Variants in UPF3A observed in about 807,000 individuals in gnomAD.
UPF3A encodes the protein UPF3A regulator of nonsense mediated mRNA decay.
Under a neutral mutation model 53.5 loss-of-function variants are expected in UPF3A, and 42 were observed. The ratio of observed to expected loss-of-function variants is 0.78; its 90% CI spans 0.61 to 1.01. UPF3A has a LOEUF of 1.01. Among genes scored for constraint, UPF3A ranks in the 50% least tolerant of loss-of-function variants. The probability of loss-of-function intolerance (pLI) is 0.00; values close to 1 mark genes in which losing one functional copy is unlikely to be tolerated. For synonymous variants in UPF3A, 237 were observed against 225.3 expected (o/e 1.05, Z -0.47); for missense variants, 575 against 598.0 (o/e 0.96, Z 0.40).
chr13:114,302,133 T>C (rs189509504), intron 9 of UPF3A, 108 bp downstream of exon 9: 2 of 1,131,634 alleles, frequency 1.8e-6, no homozygotes, highest in African/African-American at 3.2e-5. Context: ...AACGCAGTGC[T>C]TTGAGCATTT....
chr13:114,299,441 G>A (rs2139344719), intron 8 of UPF3A, among the ~76,000 whole-genome samples: 1 of 152,162 alleles, frequency 6.6e-6, no homozygotes, highest in South Asian at 2.1e-4. Flanking sequence ...CCCTCTTTTA[G>A]GTCTGGCAGA....
intron 3 of UPF3A, chr13:114,283,705 T>C (rs1013171914): frequency 2.1e-6 from 2 of 965,874 alleles, no homozygotes; most frequent in African/African-American, 3.5e-5. Flanking sequence ...GAGACAGCAG[T>C]CTTCAACTCT....
chr13:114,284,893 T>C (rs1367683875), intron 3 of UPF3A, among the ~76,000 whole-genome samples: 1 of 152,144 alleles, frequency 6.6e-6, no homozygotes, highest in East Asian at 1.9e-4. Flanking sequence ...GCTCAAGCGA[T>C]TCCCCCCACA....
intron 3 of UPF3A, 145 bp downstream of exon 3, chr13:114,283,088 A>G (rs771998182): frequency 3.9e-5 from 24 of 614,352 alleles, no homozygotes; most frequent in Non-Finnish European, 5.4e-5. Context: ...AGCAGCCGCA[A>G]TCACGGCTCA....
intron 7 of UPF3A, among the ~76,000 whole-genome samples, chr13:114,297,837 CAACA>C (rs1457920722): frequency 1.3e-5 from 2 of 151,906 alleles, no homozygotes; most frequent in East Asian, 1.9e-4. Flanking sequence ...TCAAAAAAAA[CAACA>C]AACAAAAACT....
chr13:114,296,630 C>G (rs1386367877), intron 7 of UPF3A, among the ~76,000 whole-genome samples: 1 of 152,226 alleles, frequency 6.6e-6, no homozygotes. Flanking sequence ...TCGGGAACCC[C>G]TGAATTTATT....
chr13:114,293,663 A>G (rs2085535651), intron 7 of UPF3A, among the ~76,000 whole-genome samples: 2 of 152,172 alleles, frequency 1.3e-5, no homozygotes, highest in Non-Finnish European at 2.9e-5. Context: ...AACCTAAGGT[A>G]TCACTCATTA....
Position 114,304,784 on chromosome 13 carries a change from G to A in UPF3A, c.1303-5G>A. 2 of 1,613,388 alleles carry A rather than the reference G, an allele frequency of 1.2e-6. No individual in the cohort carries two copies. Among genetic ancestry groups the A allele is most frequent in the Non-Finnish European group, 1.7e-6 (2 of 1,179,582 alleles). On this transcript the variant is annotated splice_region_variant and splice_polypyrimidine_tract_variant and intron_variant, in intron 9 of 9. Coordinates refer to ENST00000375299, the MANE Select transcript of UPF3A (RefSeq NM_023011.4). Reference sequence around the variant, plus strand: ...GAAGAGTAACATGCCCTCTTATCCTGGCAGGACCGGCCAGCCTTGCAGCTG... The same window carrying A: ...GAAGAGTAACATGCCCTCTTATCCTAGCAGGACCGGCCAGCCTTGCAGCTG...
intron 9 of UPF3A, among the ~76,000 whole-genome samples, chr13:114,303,799 AAAAC>A (rs1296307042): frequency 7.2e-5 from 11 of 152,210 alleles, no homozygotes; most frequent in African/African-American, 1.7e-4. Flanking sequence ...AAAAAAAAGA[AAAAC>A]AAACAGAGCT....
chr13:114,282,013 C>T lies in UPF3A; in HGVS notation c.208-8C>T, dbSNP rs766383425. 3.9e-6 allele frequency: 6 copies of T among 1,548,154 alleles called. No homozygotes were observed. The South Asian group carries it at 4.7e-5, about 12-fold the overall frequency. On this transcript the variant is annotated splice_polypyrimidine_tract_variant and splice_region_variant and intron_variant, in intron 1 of 9. Coordinates refer to ENST00000375299, the MANE Select transcript of UPF3A (RefSeq NM_023011.4). ...GCCCCGGTGGGAACGGCCGCGCGCTCCCCGCAGGTGGTCATCCGCCGCCTG... is the reference window on the plus strand; with the variant it reads ...GCCCCGGTGGGAACGGCCGCGCGCTTCCCGCAGGTGGTCATCCGCCGCCTG...
intron 7 of UPF3A, among the ~76,000 whole-genome samples, chr13:114,292,049 A>G (rs888530232): frequency 2.0e-5 from 3 of 150,132 alleles, no homozygotes; most frequent in Admixed American, 1.3e-4. Context: ...CACACCCCAC[A>G]GGAGCCCCAC....
At chr13:114,299,637 G>C (rs764813581) in intron 8 of UPF3A, among the ~76,000 whole-genome samples, 74 of 152,356 alleles carry the variant, frequency 4.9e-4, no homozygotes, top group Non-Finnish European at 7.1e-4. Flanking sequence ...GAAAGGGACA[G>C]ACACAGCATT....
Position 114,301,721 on chromosome 13 carries a change from T to G in UPF3A, c.1008-10T>G. The G allele has an allele frequency of 6.2e-7, 1 of 1,600,248 alleles. No homozygotes were observed. The highest frequency in any genetic ancestry group is 1.3e-5 in the African/African-American group (1 of 74,660). On this transcript the variant is annotated splice_polypyrimidine_tract_variant and intron_variant, in intron 8 of 9. Transcript: ENST00000375299. ...TACTGCAGTTGCTGATCATTTGTGT[T>G]GAATCATAGGTCACACAGCGGCAGT...
chr13:114,285,407 G>C (rs759294929), intron 3 of UPF3A: 2 of 152,232 alleles, frequency 1.3e-5, no homozygotes, highest in Non-Finnish European at 2.9e-5. Context: ...TGGGTGGAGC[G>C]GTGACTTGGA....
At chr13:114,284,338 G>T (rs1006494924) in intron 3 of UPF3A, among the ~76,000 whole-genome samples, 1 of 151,810 alleles carries the variant, frequency 6.6e-6, no homozygotes. Context: ...TCCCAGCCGG[G>T]GCGACGGAGC....
rs1209085685 is a variant in UPF3A, at chr13:114,281,784, T to C, written c.145T>C (p.Ser49Pro). The stretch of plus-strand genomic sequence containing the variant: ...GGAGGCTGAGACGCCGCCAACTTCG[T>C]CCTCCGGTTGCGGGGGCGGTGCGGG... ...QQEAETPPTS[S>P]SGCGGGAGKP... is the part of the protein sequence containing the mutation. Residue 49 changes from serine to proline, a missense_variant, in exon 1 of 10, where the codon TCC (serine) becomes CCC (proline). Around this residue, in one of 2 missense-constraint regions of UPF3A, gnomAD observed 252 missense variants for 182.7 expected, o/e 1.38. Coordinates refer to ENST00000375299, the MANE Select transcript of UPF3A (RefSeq NM_023011.4). 2 of 1,555,326 alleles carry C rather than the reference T, an allele frequency of 1.3e-6. No homozygotes were observed.
intron 2 of UPF3A, chr13:114,282,604 C>T (rs2084218764): frequency 3.0e-6 from 3 of 985,360 alleles, no homozygotes; most frequent in Non-Finnish European, 3.6e-6. Flanking sequence ...GGGTTTCAGC[C>T]TCGGAGGACC....
In UPF3A at chr13:114,291,759, G is replaced by A; in HGVS notation, c.813G>A (p.Gln271=). ...ERCKKKETDK[Q]KKIAEKEVRI... ...GCAAAAAAAAAGAGACAGATAAACAGAAGAAAATTGCAGAGAAAGAAGTAA... is the reference window on the plus strand; with the variant it reads ...GCAAAAAAAAAGAGACAGATAAACAAAAGAAAATTGCAGAGAAAGAAGTAA... Residue 271 remains glutamine, a synonymous_variant, in exon 7 of 10, where the codon CAG becomes CAA. Transcript: ENST00000375299. 1 of 1,590,560 alleles carries A rather than the reference G, an allele frequency of 6.3e-7. No individual in the cohort carries two copies. Among genetic ancestry groups the A allele is most frequent in the Non-Finnish European group, 8.6e-7 (1 of 1,168,818 alleles).
intron 3 of UPF3A, among the ~76,000 whole-genome samples, chr13:114,284,344 G>A (rs1156985976): frequency 4.7e-5 from 7 of 149,450 alleles, no homozygotes; most frequent in East Asian, 2.0e-4. Flanking sequence ...CCGGGGCGAC[G>A]GAGCAAAAAA....
Sources: gnomAD v4.1 joint callset for allele counts (sites outside exome capture counted in the v4.1 genomes callset) on GRCh38, gnomAD v4.1.1 for gene constraint, gnomAD v4.1.1 regional missense constraint, MANE v1.5 for transcripts, NCBI Gene and HGNC (gene_info 2026-07-23, HGNC 2026-07-21) for gene names.